The following ENTPD3 variants were observed in gnomAD, a reference collection of about 807,000 sequenced individuals.
The protein encoded by ENTPD3 is ectonucleoside triphosphate diphosphohydrolase 3.
A neutral mutation model predicts 51.2 loss-of-function variants in ENTPD3; 60 were observed. The observed-to-expected ratio is 1.17, with a 90% CI of 0.95 to 1.45. The LOEUF (loss-of-function observed/expected upper bound fraction) is 1.45. Among genes scored for constraint, ENTPD3 ranks in the 40% most tolerant of loss-of-function variants. The probability of loss-of-function intolerance (pLI) is 0.00; values close to 1 mark genes in which losing one functional copy is unlikely to be tolerated. For synonymous variants in ENTPD3, 221 were observed against 238.4 expected (o/e 0.93, Z 0.67); for missense variants, 593 against 641.1 (o/e 0.93, Z 0.81).
chr3:40,411,298 A>G (rs527317785), intron 4 of ENTPD3, among the ~76,000 whole-genome samples: 10 of 120,450 alleles, frequency 8.3e-5, no homozygotes, highest in African/African-American at 2.7e-4. Flanking sequence ...CTCAGAAAAA[A>G]AAAAAAAGAA....
intron 2 of ENTPD3, among the ~76,000 whole-genome samples, chr3:40,388,528 G>A (rs1186918803): frequency 6.7e-6 from 1 of 149,368 alleles, no homozygotes; most frequent in East Asian, 2.0e-4. Flanking sequence ...TGTTGTTATG[G>A]TTGATACTGC....
chr3:40,421,335 T>G (rs1056256969), intron 7 of ENTPD3, among the ~76,000 whole-genome samples: 3 of 152,112 alleles, frequency 2.0e-5, no homozygotes, highest in African/African-American at 4.8e-5. Context: ...AAAGAAAAGA[T>G]TTTACTGTAG....
At chr3:40,424,943 T>C in intron 10 of ENTPD3, 1 of 584,470 alleles carries the variant, frequency 1.7e-6, no homozygotes. Context: ...ATAAGGACTG[T>C]TGGTAGCATG....
In ENTPD3 at chr3:40,390,238, T is replaced by C. The variant is rs146165912; in HGVS notation, c.41-1785T>C. Among the ~76,000 whole-genome samples the C allele has an allele frequency of 7.9e-5, 12 of 152,332 alleles. No homozygotes were observed. In the East Asian group the frequency reaches 2.3e-3, roughly 29 times the overall value. ...TATTTTTTTAGAGACAAGGTCTCAC[T>C]CTGTCACCAGGCTGGAGTATAGCGG... is the stretch of plus-strand genomic sequence containing the variant. On this transcript the variant is annotated intron_variant, in intron 2 of 10. Coordinates refer to ENST00000301825, the MANE Select transcript of ENTPD3 (RefSeq NM_001248.4).
In ENTPD3 at chr3:40,388,585, G is replaced by GACACACACACAC. The variant is rs55657804; in HGVS notation, c.40+517_40+528dup. On this transcript the variant is annotated intron_variant, in intron 2 of 10. Transcript: ENST00000301825. ...TCACACTGGAAGGCACACACACACAGACACACACACACACACACACACACA... is the reference window on the plus strand; with the variant it reads ...TCACACTGGAAGGCACACACACACAGACACACACACACACACACACACACACACACACACACA... Among the ~76,000 whole-genome samples the GACACACACACAC allele has an allele frequency of 2.6e-3, 331 of 126,276 alleles. 3 individuals carry two copies. The highest frequency in any genetic ancestry group is 6.7e-3 in the Admixed American group (82 of 12,216). The allele number at this position is 126,276 out of a possible 152,430, so 82.8% of individuals were successfully genotyped here.
intron 10 of ENTPD3, among the ~76,000 whole-genome samples, chr3:40,425,373 G>A (rs1030747950): frequency 1.3e-5 from 2 of 151,216 alleles, no homozygotes; most frequent in Non-Finnish European, 3.0e-5. Flanking sequence ...CCGAGATCAC[G>A]CCATTGCACT....
chr3:40,388,585 GACACACACACACACAC>G (rs55657804), intron 2 of ENTPD3, among the ~76,000 whole-genome samples: 17 of 126,280 alleles, frequency 1.3e-4, no homozygotes, highest in Admixed American at 3.3e-4. Context: ...CACACACACA[GACACACACACACACAC>G]ACACACACAC....
Position 40,414,690 on chromosome 3 carries a change from T to C in ENTPD3, c.447T>C (p.Asn149=). 1 of 1,614,026 alleles carries C rather than the reference T, an allele frequency of 6.2e-7. No individual in the cohort carries two copies. Among genetic ancestry groups the C allele is most frequent in the Non-Finnish European group, 8.5e-7 (1 of 1,179,952 alleles). Reference sequence around the variant, plus strand: ...TCTGTGCCTTGTACAGGTTGCAAAATGAAACAGCAGCTAATGAAGTCCTTG... The same window carrying C: ...TCTGTGCCTTGTACAGGTTGCAAAACGAAACAGCAGCTAATGAAGTCCTTG... ...TAGMRLLRLQ[N]ETAANEVLES... Residue 149 remains asparagine (N), a synonymous_variant, in exon 6 of 11, where the codon AAT becomes AAC. Transcript: ENST00000301825.
intron 5 of ENTPD3, 66 bp from the exon 6 acceptor site, chr3:40,414,615 G>A (rs1249512555): frequency 3.2e-6 from 5 of 1,555,448 alleles, no homozygotes; most frequent in Admixed American, 1.8e-5. Context: ...TCACCTGAGT[G>A]AGACTATGTA....
chr3:40,421,975 G>T (rs1322530051), intron 7 of ENTPD3, among the ~76,000 whole-genome samples: 1 of 152,110 alleles, frequency 6.6e-6, no homozygotes, highest in Non-Finnish European at 1.5e-5. Flanking sequence ...GGATTATTTT[G>T]CTAGATGGAT....
Position 40,401,116 on chromosome 3 carries a change from T to A in ENTPD3, c.286+105T>A, listed in dbSNP as rs1205060353. 1.7e-5 allele frequency: 14 copies of A among 826,026 alleles called. No homozygotes were observed. In the East Asian group the frequency reaches 3.2e-4, roughly 19 times the overall value. 51.2% of individuals were successfully genotyped at this position (826,026 alleles called of 1,614,324 possible). ...TGAGATGTTGCTTGGAGGCAGGGAATGAGCATTGGACTGGGAGTCAGGAAA... is the reference window on the plus strand; with the variant it reads ...TGAGATGTTGCTTGGAGGCAGGGAAAGAGCATTGGACTGGGAGTCAGGAAA... On this transcript the variant is annotated intron_variant, in intron 4 of 10. Coordinates refer to ENST00000301825, the MANE Select transcript of ENTPD3 (RefSeq NM_001248.4).
chr3:40,399,788 G>A (rs907791947), intron 3 of ENTPD3, among the ~76,000 whole-genome samples: 5 of 152,118 alleles, frequency 3.3e-5, no homozygotes, highest in African/African-American at 7.2e-5. Flanking sequence ...GGACAAATTG[G>A]TCCAGGACTC....
chr3:40,415,197 C>T (rs1199037076), intron 6 of ENTPD3, among the ~76,000 whole-genome samples: 4 of 152,028 alleles, frequency 2.6e-5, no homozygotes, highest in African/African-American at 7.2e-5. Flanking sequence ...ATGTACAAAG[C>T]CCTCAGGAAG....
chr3:40,423,652 T>C (rs767778396), intron 9 of ENTPD3, among the ~76,000 whole-genome samples, 174 bp from the exon 10 acceptor site: 6 of 152,208 alleles, frequency 3.9e-5, no homozygotes, highest in Non-Finnish European at 5.9e-5. Flanking sequence ...TATTGTGATA[T>C]TATATAGGGA....
intron 2 of ENTPD3, chr3:40,391,171 C>G (rs1955046445): frequency 6.6e-6 from 1 of 151,626 alleles, no homozygotes; most frequent in Non-Finnish European, 1.5e-5. Context: ...ACCATATTGG[C>G]CAGGCTGGTC....
intron 5 of ENTPD3, 44 bp from the exon 6 acceptor site, chr3:40,414,637 T>C: frequency 6.2e-7 from 1 of 1,606,928 alleles, no homozygotes; most frequent in Non-Finnish European, 8.5e-7. Context: ...TTTAAGACTG[T>C]ATTGTCTGGG....
At chr3:40,392,315 C>T (rs1955078007) in intron 3 of ENTPD3, 165 bp downstream of exon 3, 2 of 743,210 alleles carry the variant, frequency 2.7e-6, no homozygotes, top group South Asian at 4.1e-5. Context: ...TCTGGACATG[C>T]TGGGTTTGTG....
At position 40,423,018 on chromosome 3, in the gene ENTPD3, T is replaced by A. The variant is rs1482866590; in HGVS notation, c.1000T>A (p.Cys334Ser). 1 of 1,614,096 alleles carries A rather than the reference T, an allele frequency of 6.2e-7. No homozygotes were observed. Among genetic ancestry groups the A allele is most frequent in the African/African-American group, 1.3e-5 (1 of 75,044 alleles). Residue 334 changes from cysteine (C) to serine (S), a missense_variant, in exon 8 of 11, where the codon TGT becomes AGT. Coordinates refer to ENST00000301825, the MANE Select transcript of ENTPD3 (RefSeq NM_001248.4). ...TFEGTGDPSL[C>S]KEKVASIFDF... ...TGAAGGAACTGGGGACCCATCTCTG[T>A]GTAAGGAGAAGGTGGCTTCCATATT...
intron 3 of ENTPD3, among the ~76,000 whole-genome samples, chr3:40,397,064 C>G (rs543482154): frequency 6.6e-6 from 1 of 150,526 alleles, no homozygotes; most frequent in Non-Finnish European, 1.5e-5. Flanking sequence ...ATTTCTGGTG[C>G]CTTGTAGCCC....
Sources: allele counts gnomAD v4.1 joint callset (sites outside exome capture counted in the v4.1 genomes callset), GRCh38; gene constraint gnomAD v4.1.1; transcripts MANE v1.5; gene names NCBI Gene and HGNC (gene_info 2026-07-23, HGNC 2026-07-21).